The following CDHR1 variants were observed in gnomAD, a reference collection of about 807,000 sequenced individuals.
CDHR1 encodes the protein cadherin-related family member 1.
CDHR1 carries 61 observed loss-of-function variants against 72.1 expected under a neutral mutation model. The ratio of observed to expected loss-of-function variants is 0.85; its 90% CI spans 0.69 to 1.05. CDHR1 has a LOEUF of 1.05. Among genes scored for constraint, CDHR1 ranks in the 50% least tolerant of loss-of-function variants. The pLI is 0.00. For missense variants in CDHR1, 1,186 were observed against 1,115.7 expected, an observed-to-expected ratio of 1.06 and a Z score of -0.90; for synonymous variants, 470 against 448.1, an observed-to-expected ratio of 1.05 and a Z score of -0.62.
In CDHR1 at chr10:84,194,679, C is replaced by T. The variant is rs1019408821; in HGVS notation, c.-82C>T. The T allele has an allele frequency of 5.8e-6, 7 of 1,212,322 alleles. No individual in the cohort carries two copies. The highest frequency in any genetic ancestry group is 7.6e-6 in the Non-Finnish European group (7 of 920,824). 75.1% of individuals were successfully genotyped at this position (1,212,322 alleles called of 1,614,324 possible). A position where few individuals can be genotyped will look rare whatever the true frequency, so the allele number is the denominator to read the frequency against. On this transcript the variant is annotated 5_prime_UTR_variant, in exon 1 of 17. Coordinates refer to ENST00000623527, the MANE Select transcript of CDHR1 (RefSeq NM_033100.4). ...CCGCTACCCCCATTGTGGTCTCTGC[C>T]CTCCCCGCGGGCCCAGGGCATGCTC... is the stretch of plus-strand genomic sequence containing the variant.
rs754574677 is a variant in CDHR1 at position 84,194,786 on chromosome 10, T to C, written c.26T>C (p.Leu9Pro). 19 of 1,529,326 alleles carry C rather than the reference T, an allele frequency of 1.2e-5. 1 individual carries two copies. The highest frequency in any genetic ancestry group is 1.5e-5 in the Non-Finnish European group (17 of 1,144,470). 94.7% of individuals were successfully genotyped at this position (1,529,326 alleles called of 1,614,324 possible). Residue 9 changes from leucine to proline, a missense_variant, in exon 1 of 17, where the codon CTG becomes CCG. By Grantham distance (98) the Leu-to-Pro change is moderately conservative. Transcript: ENST00000623527. The stretch of plus-strand genomic sequence containing the variant: ...ATGAGGCGCTGCCGGTGGGCCGCCC[T>C]GGCCCTGGGGCTGCTGCGCCTCTGC... Reference protein sequence around the residue: MRRCRWAALALGLLRLCLA... With the variant: MRRCRWAAPALGLLRLCLA...
intron 8 of CDHR1, among the ~76,000 whole-genome samples, chr10:84,203,831 C>T (rs1842175628): frequency 6.6e-6 from 1 of 152,170 alleles, no homozygotes; most frequent in African/African-American, 2.4e-5. Context: ...GCAGGGTGGG[C>T]CAGCGTAGGC....
intron 11 of CDHR1, 147 bp downstream of exon 11, chr10:84,208,524 AGG>A: frequency 9.5e-7 from 1 of 1,054,686 alleles, no homozygotes; most frequent in East Asian, 2.6e-5. Context: ...GTTGTAACCA[AGG>A]GGGAGAGGAG....
chr10:84,218,165 A>C lies in CDHR1; in HGVS notation c.*3544A>C. ...AGAATGGAGAAGATGCCACATGAGG[A>C]ATGAGGCAGGAGACTGGCATGTGCC... On this transcript the variant is annotated 3_prime_UTR_variant, in exon 17 of 17. Transcript: ENST00000623527. 14 of 985,458 alleles carry C rather than the reference A, an allele frequency of 1.4e-5. No homozygotes were observed. The highest frequency in any genetic ancestry group is 1.7e-5 in the Non-Finnish European group (14 of 829,940). 61.0% of individuals were successfully genotyped at this position (985,458 alleles called of 1,614,324 possible). A position where few individuals can be genotyped will look rare whatever the true frequency, so the allele number is the denominator to read the frequency against.
intron 8 of CDHR1, among the ~76,000 whole-genome samples, chr10:84,204,145 C>T (rs1042327200): frequency 4.6e-5 from 7 of 152,192 alleles, no homozygotes; most frequent in African/African-American, 1.7e-4. Flanking sequence ...TTCCTTCATG[C>T]ACCTCTGGGG....
At chr10:84,195,381 G>T in intron 1 of CDHR1, 113 bp from the exon 2 acceptor site, 1 of 975,460 alleles carries the variant, frequency 1.0e-6, no homozygotes. Flanking sequence ...GAGGCGGAGC[G>T]CCCTCCTGCC....
chr10:84,208,657 A>C (rs1842273791), intron 11 of CDHR1, 72 bp from the exon 12 acceptor site: 2 of 1,471,080 alleles, frequency 1.4e-6, no homozygotes, highest in Admixed American at 3.4e-5. Context: ...GCACGTGAAG[A>C]CTTCTATATA....
intron 13 of CDHR1, 140 bp downstream of exon 13, chr10:84,211,305 C>T (rs1468274895): frequency 1.2e-6 from 1 of 833,574 alleles, no homozygotes; most frequent in Non-Finnish European, 1.9e-6. Context: ...CCTCTCTTAG[C>T]CTCAGTTTCT....
rs1177138792 is a variant in CDHR1, at chr10:84,217,430, A to C, written c.*2809A>C. The C allele has an allele frequency of 1.0e-6, 1 of 985,344 alleles. No individual in the cohort carries two copies. Among genetic ancestry groups the C allele is most frequent in the East Asian group, 1.1e-4 (1 of 8,808 alleles). The allele number at this position is 985,344 out of a possible 1,614,324, so 61.0% of individuals were successfully genotyped here. On this transcript the variant is annotated 3_prime_UTR_variant, in exon 17 of 17. Coordinates refer to ENST00000623527, the MANE Select transcript of CDHR1 (RefSeq NM_033100.4). ...GATCTTCCAATCACGTGAAATAACA[A>C]AGTCCTTTACAGTTTGACAGCCCTA... is the stretch of plus-strand genomic sequence containing the variant.
At chr10:84,198,943 C>T (rs573831003) in intron 4 of CDHR1, 89 bp from the exon 5 acceptor site, 309 of 921,952 alleles carry the variant, frequency 3.4e-4, no homozygotes, top group Non-Finnish European at 4.9e-4. Flanking sequence ...TGGGCAGAGA[C>T]GTGTACATTG....
intron 10 of CDHR1, among the ~76,000 whole-genome samples, chr10:84,206,837 A>G (rs907148754): frequency 3.0e-4 from 46 of 152,352 alleles, no homozygotes; most frequent in Non-Finnish European, 6.0e-4. Flanking sequence ...GATGAGAGGT[A>G]GAGCCATCGG....
At chr10:84,204,479 G>C (rs777477465) in intron 8 of CDHR1, 48 bp from the exon 9 acceptor site, 1 of 1,290,004 alleles carries the variant, frequency 7.8e-7, no homozygotes, top group Non-Finnish European at 1.1e-6. Flanking sequence ...GGGGAGGGGA[G>C]GGTCCCCATA....
At position 84,207,633 on chromosome 10, in the gene CDHR1, A is replaced by G. The variant is rs188334322; in HGVS notation, c.964-541A>G. Among the ~76,000 whole-genome samples, 132 of 152,332 alleles carry G rather than the reference A, an allele frequency of 8.7e-4. 1 individual carries two copies. Among genetic ancestry groups the G allele is most frequent in the Non-Finnish European group, 1.8e-4 (12 of 68,026 alleles). ...GTAGGCTGTATTAGTTATCAGCTGC[A>G]TAACTAATTACCCCAAACTTAGTGG... On this transcript the variant is annotated intron_variant, in intron 10 of 16. Coordinates refer to ENST00000623527, the MANE Select transcript of CDHR1 (RefSeq NM_033100.4).
At position 84,195,533 on chromosome 10, in the gene CDHR1, T is replaced by C. The variant is rs745721759; in HGVS notation, c.95T>C (p.Val32Ala). 2.5e-6 allele frequency: 4 copies of C among 1,613,926 alleles called. No individual in the cohort carries two copies. In the Admixed American group the frequency reaches 6.7e-5, roughly 27 times the overall value. The part of the protein sequence containing the change: ...NFAPHFFDNG[V>A]GSTNGNMALF... ...GCCCCGCACTTCTTCGACAACGGGG[T>C]CGGCAGCACCAACGGAAACATGGCT... is the stretch of plus-strand genomic sequence containing the variant. The change falls in exon 2 of 17, where the codon GTC becomes GCC. Residue 32 changes from valine (V) to alanine (A), a missense_variant. Coordinates refer to ENST00000623527, the MANE Select transcript of CDHR1 (RefSeq NM_033100.4).
chr10:84,211,046 G>A lies in CDHR1; in HGVS notation c.1366G>A (p.Ala456Thr), dbSNP rs1842321620. Residue 456 changes from alanine to threonine, a missense_variant, in exon 13 of 17, where the codon GCG becomes ACG. Coordinates refer to ENST00000623527, the MANE Select transcript of CDHR1 (RefSeq NM_033100.4). Reference protein sequence around the residue: ...VNTPEKFSSTADVVIQLLDTN... With the variant: ...VNTPEKFSSTTDVVIQLLDTN... ...CACCCCAGAGAAGTTCAGTTCCACA[G>A]CGGATGTTGTGATCCAGCTCCTGGA... 6.2e-7 allele frequency: 1 copy of A among 1,614,214 alleles called. No homozygotes were observed. The highest frequency in any genetic ancestry group is 2.2e-5 in the East Asian group (1 of 44,884).
chr10:84,212,115 A>G (rs1842342436), intron 14 of CDHR1, 64 bp from the exon 15 acceptor site: 1 of 1,372,380 alleles, frequency 7.3e-7, no homozygotes, highest in Non-Finnish European at 1.0e-6. Flanking sequence ...TATTGCAGGC[A>G]TGTGTATGTA....
chr10:84,195,568 C>T lies in CDHR1; in HGVS notation c.130C>T (p.Leu44Phe). 2 of 1,614,140 alleles carry T rather than the reference C, an allele frequency of 1.2e-6. No individual in the cohort carries two copies. The highest frequency in any genetic ancestry group is 8.5e-7 in the Non-Finnish European group (1 of 1,179,982). Reference sequence around the variant, plus strand: ...CAACGGAAACATGGCTCTGTTCAGCCTCCCAGAGGACACCCCTGTAGGTGA... The same window carrying T: ...CAACGGAAACATGGCTCTGTTCAGCTTCCCAGAGGACACCCCTGTAGGTGA... ...STNGNMALFS[L>F]PEDTPVGSHV... Residue 44 changes from leucine to phenylalanine, a missense_variant, in exon 2 of 17, where the codon CTC (leucine) becomes TTC (phenylalanine). Physicochemically the swap from Leu to Phe is conservative, Grantham distance 22. Transcript: ENST00000623527.
chr10:84,208,037 A>G, intron 10 of CDHR1, 137 bp from the exon 11 acceptor site: 2 of 743,578 alleles, frequency 2.7e-6, no homozygotes, highest in South Asian at 1.5e-5. Context: ...TTTGCCATAT[A>G]TTATCAGTTA....
chr10:84,199,258 G>C, intron 5 of CDHR1, 137 bp downstream of exon 5: 1 of 729,228 alleles, frequency 1.4e-6, no homozygotes, highest in Admixed American at 2.0e-5. Flanking sequence ...TCCAACATTC[G>C]CTTTTATTCC....
Sources: gnomAD v4.1 joint callset for allele counts (sites outside exome capture counted in the v4.1 genomes callset) on GRCh38, gnomAD v4.1.1 for gene constraint, MANE v1.5 for transcripts, NCBI Gene and HGNC (gene_info 2026-07-23, HGNC 2026-07-21) for gene names.